MIS18A: variants seen among roughly 807,000 people sequenced by gnomAD.
The protein encoded by MIS18A is protein Mis18-alpha.
Under a neutral mutation model 25.0 loss-of-function variants are expected in MIS18A, and 14 were observed. The ratio of observed to expected loss-of-function variants is 0.56; its 90% CI spans 0.37 to 0.88. The LOEUF is 0.88. Among genes scored for constraint, MIS18A ranks in the 40% least tolerant of loss-of-function variants. The pLI is 0.00. For missense variants in MIS18A, 292 were observed against 290.8 expected (o/e 1.00, Z -0.03); for synonymous variants, 134 against 118.6 (o/e 1.13, Z -0.84).
At chr21:32,178,665 G>A in the MIS18A span, among the ~76,000 whole-genome samples, 1 of 152,014 alleles carries the variant, frequency 6.6e-6, no homozygotes, top group Non-Finnish European at 1.5e-5. Context: ...TCTTTGTCTT[G>A]GTCTTTGACT....
At chr21:32,219,255 C>T in the MIS18A span, among the ~76,000 whole-genome samples, 167 of 152,274 alleles carry the variant, frequency 1.1e-3, 2 homozygotes, top group East Asian at 0.03. Flanking sequence ...CAGATGATTT[C>T]TGCATTTCCA....
Position 32,274,828 on chromosome 21 carries a change from A to G in MIS18A, c.401+2T>C, listed in dbSNP as rs1212694970. The G allele has an allele frequency of 6.2e-7, 1 of 1,608,590 alleles. No individual in the cohort carries two copies. Among genetic ancestry groups the G allele is most frequent in the Non-Finnish European group, 8.5e-7 (1 of 1,175,764 alleles). On this transcript the variant is annotated splice_donor_variant, in intron 2 of 4. Transcript: ENST00000290130. LOFTEE classifies it high-confidence loss of function. ...TATTCATATAAATACAGTTTTACTC[A>G]CCAACCATTTTCCTTTTCACGTTTG...
chr21:32,276,855 C>T (rs2031821341), intron 1 of MIS18A, among the ~76,000 whole-genome samples: 1 of 151,984 alleles, frequency 6.6e-6, no homozygotes, highest in Non-Finnish European at 1.5e-5. Flanking sequence ...TTTGAGCAGG[C>T]GTTCAAGGTT....
the MIS18A span, among the ~76,000 whole-genome samples, chr21:32,173,906 T>C: frequency 2.6e-5 from 4 of 151,862 alleles, no homozygotes; most frequent in African/African-American, 4.8e-5. Context: ...TGTGAAGTAG[T>C]AAATTTTACT....
the MIS18A span, among the ~76,000 whole-genome samples, chr21:32,250,990 T>C: frequency 6.6e-6 from 1 of 152,224 alleles, no homozygotes; most frequent in African/African-American, 2.4e-5. Flanking sequence ...GAGTGAGTTC[T>C]CATGAGATCT....
the MIS18A span, among the ~76,000 whole-genome samples, chr21:32,154,819 C>T: frequency 1.3e-5 from 2 of 152,062 alleles, no homozygotes; most frequent in African/African-American, 4.8e-5. Context: ...GACTTATAGC[C>T]AATTAATTGT....
the MIS18A span, among the ~76,000 whole-genome samples, chr21:32,236,419 A>G: frequency 1.3e-5 from 2 of 152,034 alleles, no homozygotes; most frequent in African/African-American, 2.4e-5. Context: ...TGGGCAGGAA[A>G]TGTGTATGTG....
the MIS18A span, among the ~76,000 whole-genome samples, chr21:32,178,093 T>A: frequency 6.6e-6 from 1 of 152,052 alleles, no homozygotes; most frequent in African/African-American, 2.4e-5. Flanking sequence ...TAATTTTGTT[T>A]ATTTTTTGGA....
At chr21:32,218,939 G>A in the MIS18A span, among the ~76,000 whole-genome samples, 248 of 151,870 alleles carry the variant, frequency 1.6e-3, 1 homozygote, top group African/African-American at 5.1e-3. Flanking sequence ...ATGGTAGTGC[G>A]CACCTGTAAT....
downstream of MIS18A, among the ~76,000 whole-genome samples, chr21:32,263,254 T>C (rs1006555401): frequency 1.7e-4 from 26 of 152,166 alleles, no homozygotes; most frequent in Admixed American, 8.5e-4. Flanking sequence ...TTTCAGGTAT[T>C]TTGGGTTTTC....
chr21:32,224,032 G>T, the MIS18A span, among the ~76,000 whole-genome samples: 1 of 152,178 alleles, frequency 6.6e-6, no homozygotes, highest in East Asian at 1.9e-4. Context: ...AAAACCAGAT[G>T]ATTATCTCAA....
At chr21:32,274,795 C>T in intron 2 of MIS18A, 35 bp downstream of exon 2, 1 of 1,523,566 alleles carries the variant, frequency 6.6e-7, no homozygotes, top group Non-Finnish European at 9.0e-7. Flanking sequence ...AAAGAAAATT[C>T]TCTAACATAT....
intron 1 of MIS18A, among the ~76,000 whole-genome samples, chr21:32,277,131 TG>T (rs1326810440): frequency 6.6e-6 from 1 of 152,110 alleles, no homozygotes; most frequent in Non-Finnish European, 1.5e-5. Flanking sequence ...TTGTCTTTAC[TG>T]GGGGGTGTGG....
the MIS18A span, among the ~76,000 whole-genome samples, chr21:32,208,248 T>C: frequency 6.6e-6 from 1 of 152,186 alleles, no homozygotes. Context: ...CCAAATCTCT[T>C]GTCGAATTCT....
At chr21:32,212,853 C>T in the MIS18A span, among the ~76,000 whole-genome samples, 1 of 152,208 alleles carries the variant, frequency 6.6e-6, no homozygotes, top group South Asian at 2.1e-4. Flanking sequence ...TAAGAAGTCC[C>T]TTTGCTCTTC....
chr21:32,265,344 C>T (rs538549949), downstream of MIS18A, among the ~76,000 whole-genome samples: 2 of 152,300 alleles, frequency 1.3e-5, no homozygotes, highest in Admixed American at 6.5e-5. Flanking sequence ...GAGGCACGAG[C>T]GGGAACTGGG....
chr21:32,201,980 T>C, the MIS18A span, among the ~76,000 whole-genome samples: 11 of 151,968 alleles, frequency 7.2e-5, no homozygotes, highest in African/African-American at 2.4e-4. Flanking sequence ...TACCCAAACA[T>C]ACAAATCAGG....
the MIS18A span, among the ~76,000 whole-genome samples, chr21:32,258,058 A>G: frequency 8.5e-5 from 13 of 152,302 alleles, no homozygotes; most frequent in East Asian, 5.8e-4. Context: ...AGTCAGACAC[A>G]TTAGCAAGGT....
chr21:32,254,506 G>A, the MIS18A span, among the ~76,000 whole-genome samples: 27 of 152,066 alleles, frequency 1.8e-4, no homozygotes, highest in Middle Eastern at 3.4e-3. Context: ...ACTCCAGCCT[G>A]GACAAGAAGA....
Sources: allele counts gnomAD v4.1 joint callset (sites outside exome capture counted in the v4.1 genomes callset), GRCh38; gene constraint gnomAD v4.1.1; transcripts MANE v1.5; gene names NCBI Gene and HGNC (gene_info 2026-07-23, HGNC 2026-07-21).